Variants in DTHD1 observed in about 807,000 individuals in gnomAD.
DTHD1 encodes death domain-containing protein 1.
DTHD1 carries 59 observed loss-of-function variants against 74.8 expected under a neutral mutation model. The ratio of observed to expected loss-of-function variants is 0.79; its 90% CI spans 0.64 to 0.98. The LOEUF is 0.98. Among genes scored for constraint, DTHD1 ranks in the 50% least tolerant of loss-of-function variants. The pLI is 0.00. For missense variants in DTHD1, 1,051 were observed against 1,065.4 expected (o/e 0.99, Z 0.19); for synonymous variants, 365 against 371.1 (o/e 0.98, Z 0.19).
intron 8 of DTHD1, among the ~76,000 whole-genome samples, chr4:36,332,064 C>G (rs1477168792): frequency 6.6e-6 from 1 of 151,998 alleles, no homozygotes; most frequent in African/African-American, 2.4e-5. Context: ...GGCTGATCAC[C>G]TGAGGTCAGG....
chr4:36,336,784 A>C (rs80314721), intron 8 of DTHD1, among the ~76,000 whole-genome samples: 1,855 of 152,346 alleles, frequency 0.012, 30 homozygotes, highest in African/African-American at 0.042. Flanking sequence ...TTCAAAGTAT[A>C]TTTCAAGGCT....
At chr4:36,307,758 A>C (rs1757143828) in intron 6 of DTHD1, among the ~76,000 whole-genome samples, 1 of 152,220 alleles carries the variant, frequency 6.6e-6, no homozygotes, top group Non-Finnish European at 1.5e-5. Context: ...TTGTAATTCT[A>C]ATTAAAATAT....
At chr4:36,331,948 T>C (rs539032852) in intron 8 of DTHD1, among the ~76,000 whole-genome samples, 20 of 152,174 alleles carry the variant, frequency 1.3e-4, no homozygotes, top group African/African-American at 4.1e-4. Flanking sequence ...ATTGTTTCGG[T>C]TGCCCTTGAA....
rs537319624 is a variant in DTHD1, at chr4:36,298,116, T to C, written c.1643+3077T>C. Among the ~76,000 whole-genome samples, 7 of 152,256 alleles carry C rather than the reference T, an allele frequency of 4.6e-5. No individual in the cohort carries two copies. In the East Asian group the frequency reaches 1.3e-3, roughly 29 times the overall value. On this transcript the variant is annotated intron_variant, in intron 5 of 9. Coordinates refer to ENST00000639862, the MANE Select transcript of DTHD1 (RefSeq NM_001170700.3). ...TCTGCCACATTTAACTGATATACTC[T>C]TGCCCATTCTATAAGTTCCAGTTCA... is the stretch of plus-strand genomic sequence containing the variant.
intron 5 of DTHD1, among the ~76,000 whole-genome samples, chr4:36,301,763 CCTT>C (rs1340582092): frequency 6.6e-6 from 1 of 151,502 alleles, no homozygotes; most frequent in Non-Finnish European, 1.5e-5. Context: ...GTGAACAGAA[CCTT>C]CTAAGATGAA....
chr4:36,339,270 T>C lies in DTHD1; in HGVS notation c.2398+101T>C, dbSNP rs1432976284. The C allele has an allele frequency of 8.7e-6, 7 of 804,350 alleles. No individual in the cohort carries two copies. In the East Asian group the frequency reaches 2.0e-4, roughly 24 times the overall value. 49.8% of individuals were successfully genotyped at this position (804,350 alleles called of 1,614,324 possible). ...ATAAAAAGGAATGGAGAAAGTGACT[T>C]TCCAATCAAACAATCATTAACTTTA... On this transcript the variant is annotated intron_variant, in intron 9 of 9. Coordinates refer to ENST00000639862, the MANE Select transcript of DTHD1 (RefSeq NM_001170700.3).
intron 5 of DTHD1, among the ~76,000 whole-genome samples, chr4:36,296,141 AT>A (rs1756384604): frequency 6.6e-6 from 1 of 152,172 alleles, no homozygotes; most frequent in African/African-American, 2.4e-5. Flanking sequence ...TATCAGTTTT[AT>A]TCTTTGCAGC....
At chr4:36,299,597 A>C (rs1174679682) in intron 5 of DTHD1, among the ~76,000 whole-genome samples, 1 of 152,168 alleles carries the variant, frequency 6.6e-6, no homozygotes, top group Non-Finnish European at 1.5e-5. Flanking sequence ...CTTTCTAATC[A>C]AATGCTGGCA....
At chr4:36,290,255 A>G in intron 2 of DTHD1, 118 bp from the exon 3 acceptor site, 1 of 1,076,922 alleles carries the variant, frequency 9.3e-7, no homozygotes, top group Non-Finnish European at 1.3e-6. Flanking sequence ...CACAGAGTTG[A>G]TCAGAACTGG....
At chr4:36,324,967 G>A (rs1008847357) in intron 8 of DTHD1, among the ~76,000 whole-genome samples, 1 of 152,136 alleles carries the variant, frequency 6.6e-6, no homozygotes, top group Non-Finnish European at 1.5e-5. Flanking sequence ...AGAGAAAGGG[G>A]CAATGAGTTT....
Position 36,281,692 on chromosome 4 carries a change from A to C in DTHD1, c.-67A>C. 1 of 1,234,126 alleles carries C rather than the reference A, an allele frequency of 8.1e-7. No individual in the cohort carries two copies. Among genetic ancestry groups the C allele is most frequent in the Non-Finnish European group, 1.0e-6 (1 of 988,536 alleles). The allele number at this position is 1,234,126 out of a possible 1,614,324, so 76.4% of individuals were successfully genotyped here. A position where few individuals can be genotyped will look rare whatever the true frequency, so the allele number is the denominator to read the frequency against. ...GAGTTTAGGAGAAATAACAATCACA[A>C]AGTTTGAATTTGCAAAACCTTTAGG... is the stretch of plus-strand genomic sequence containing the variant. On this transcript the variant is annotated 5_prime_UTR_variant, in exon 1 of 10. Transcript: ENST00000639862.
At chr4:36,293,231 G>A (rs1756185807) in intron 3 of DTHD1, among the ~76,000 whole-genome samples, 1 of 151,940 alleles carries the variant, frequency 6.6e-6, no homozygotes, top group African/African-American at 2.4e-5. Context: ...TCATATTTGT[G>A]AAAACACTGA....
Position 36,308,392 on chromosome 4 carries a change from A to G in DTHD1, c.1994A>G (p.His665Arg), listed in dbSNP as rs2109499756. 6.4e-7 allele frequency: 1 copy of G among 1,551,862 alleles called. No homozygotes were observed. The highest frequency in any genetic ancestry group is 8.7e-7 in the Non-Finnish European group (1 of 1,147,010). ...TTAAGCCAGGTGCTTAAGGACCTGC[A>G]CTTGGAAGGGTTTGGAGGACCTCCA... ...KDLSQVLKDL[H>R]LEGFGGPPEP... is the part of the protein sequence containing the mutation. The change falls in exon 7 of 10, where the codon CAC (histidine) becomes CGC (arginine). Residue 665 changes from histidine to arginine, a missense_variant. Coordinates refer to ENST00000639862, the MANE Select transcript of DTHD1 (RefSeq NM_001170700.3).
intron 8 of DTHD1, among the ~76,000 whole-genome samples, chr4:36,328,538 A>G (rs935465827): frequency 2.7e-4 from 41 of 152,322 alleles, no homozygotes; most frequent in African/African-American, 7.0e-4. Context: ...TTAAATACAC[A>G]CAAAAACAGA....
chr4:36,307,188 ATT>A (rs1268187248), intron 6 of DTHD1, among the ~76,000 whole-genome samples: 3 of 152,158 alleles, frequency 2.0e-5, no homozygotes, highest in Non-Finnish European at 4.4e-5. Context: ...AGAGGTCTGT[ATT>A]AGTTTGTTAA....
chr4:36,298,811 T>C (rs1756591725), intron 5 of DTHD1, among the ~76,000 whole-genome samples: 2 of 152,172 alleles, frequency 1.3e-5, no homozygotes, highest in African/African-American at 4.8e-5. Flanking sequence ...TACTATGCAA[T>C]CAATATTTTA....
At chr4:36,306,883 C>T (rs1179422905) in intron 6 of DTHD1, among the ~76,000 whole-genome samples, 1 of 152,140 alleles carries the variant, frequency 6.6e-6, no homozygotes, top group African/African-American at 2.4e-5. Flanking sequence ...GTCTTGAATC[C>T]AGTTTCCTAG....
intron 8 of DTHD1, among the ~76,000 whole-genome samples, chr4:36,338,389 G>T (rs899176109): frequency 6.6e-6 from 1 of 151,910 alleles, no homozygotes; most frequent in Non-Finnish European, 1.5e-5. Context: ...TCCAGTTTTT[G>T]GCTAATTCAA....
intron 2 of DTHD1, 88 bp downstream of exon 2, chr4:36,284,679 T>A: frequency 9.7e-7 from 1 of 1,026,200 alleles, no homozygotes; most frequent in Non-Finnish European, 1.4e-6. Context: ...TCATTCAGGC[T>A]GCTACAACAA....
Sources: allele counts gnomAD v4.1 joint callset (sites outside exome capture counted in the v4.1 genomes callset), GRCh38; gene constraint gnomAD v4.1.1; transcripts MANE v1.5; gene names NCBI Gene and HGNC (gene_info 2026-07-23, HGNC 2026-07-21).